Variants in GLI3 observed in about 807,000 individuals in gnomAD.
GLI3 encodes the protein GLI family zinc finger 3, also known as transcription activator GLI3.
GLI3 carries 20 observed loss-of-function variants against 100.8 expected under a neutral mutation model. The observed-to-expected ratio is 0.20, with a 90% CI of 0.14 to 0.29. The LOEUF (loss-of-function observed/expected upper bound fraction) is 0.29, where lower values mean the gene tolerates loss of function less well. Ranked by LOEUF, GLI3 falls within the 10% of genes least tolerant of loss-of-function variation. The probability of loss-of-function intolerance (pLI) is 1.00; values close to 1 mark genes in which losing one functional copy is unlikely to be tolerated. For synonymous variants in GLI3, 938 were observed against 860.5 expected, an observed-to-expected ratio of 1.09 and a Z score of -1.58; for missense variants, 2,040 against 2,128.5, an observed-to-expected ratio of 0.96 and a Z score of 0.82.
At chr7:42,148,712 T>C (rs1459713475) in intron 2 of GLI3, among the ~76,000 whole-genome samples, 1 of 152,128 alleles carries the variant, frequency 6.6e-6, no homozygotes, top group African/African-American at 2.4e-5. Flanking sequence ...ATGAGCCTAT[T>C]AAACTGAGAT....
At chr7:42,182,681 T>TAG in intron 2 of GLI3, among the ~76,000 whole-genome samples, 1 of 56,748 alleles carries the variant, frequency 1.8e-5, no homozygotes, top group South Asian at 5.8e-4. Context: ...TATATATATA[T>TAG]ACACATGTGT....
rs368631612 is a variant in GLI3 at position 42,025,331 on chromosome 7, A to G, written c.1289T>C (p.Met430Thr). 12 of 1,614,056 alleles carry G rather than the reference A, an allele frequency of 7.4e-6. No individual in the cohort carries two copies. Among genetic ancestry groups the G allele is most frequent in the African/African-American group, 4.0e-5 (3 of 74,936 alleles). ...ESAVSSTGDP[M>T]HNKRSKIKPD... ...TTTGATCTTGGACCTCTTGTTGTGCATCGGGTCACCAGTGCTGCTCACTGC... is the reference window on the plus strand; with the variant it reads ...TTTGATCTTGGACCTCTTGTTGTGCGTCGGGTCACCAGTGCTGCTCACTGC... Residue 430 changes from methionine (M) to threonine (T), a missense_variant, in exon 9 of 15, where the codon ATG (methionine) becomes ACG (threonine). Around this residue, in one of 5 missense-constraint regions of GLI3, gnomAD observed 603 missense variants for 690.9 expected, o/e 0.87. Coordinates refer to ENST00000395925, the MANE Select transcript of GLI3 (RefSeq NM_000168.6).
At chr7:42,016,832 T>C (rs1026117002) in intron 10 of GLI3, among the ~76,000 whole-genome samples, 1 of 152,236 alleles carries the variant, frequency 6.6e-6, no homozygotes, top group Non-Finnish European at 1.5e-5. Flanking sequence ...AGTATTCCTC[T>C]GTACTCCTCC....
intron 2 of GLI3, among the ~76,000 whole-genome samples, chr7:42,189,969 TC>T (rs1787792454): frequency 1.5e-5 from 2 of 129,068 alleles, no homozygotes; most frequent in African/African-American, 6.2e-5. Context: ...GTGCATGGGC[TC>T]AACACACACA....
chr7:42,048,279 G>A lies in GLI3; in HGVS notation c.679+212C>T, dbSNP rs77464277. Among the ~76,000 whole-genome samples, 1,055 of 152,238 alleles carry A rather than the reference G, an allele frequency of 6.9e-3. 17 individuals are homozygous for A. Among genetic ancestry groups the A allele is most frequent in the African/African-American group, 0.024 (980 of 41,536 alleles). The stretch of plus-strand genomic sequence containing the variant: ...GCGTTGCAAGTAAACCCCACTGCAC[G>A]CTGCTATTCTGACATGAAAATGGAG... On this transcript the variant is annotated intron_variant, in intron 5 of 14. Coordinates refer to ENST00000395925, the MANE Select transcript of GLI3 (RefSeq NM_000168.6).
intron 4 of GLI3, among the ~76,000 whole-genome samples, chr7:42,071,380 T>C (rs976387281): frequency 1.6e-4 from 25 of 152,322 alleles, no homozygotes; most frequent in African/African-American, 6.0e-4. Flanking sequence ...TAAGTTACAC[T>C]ATTAAAATAT....
intron 10 of GLI3, among the ~76,000 whole-genome samples, chr7:42,008,644 GT>G (rs1237083694): frequency 6.6e-6 from 1 of 152,144 alleles, no homozygotes; most frequent in Admixed American, 6.5e-5. Context: ...GGCAAGTCTG[GT>G]TCTTTCTCTA....
At chr7:42,226,558 AT>A (rs1229748402) in intron 1 of GLI3, among the ~76,000 whole-genome samples, 1 of 152,158 alleles carries the variant, frequency 6.6e-6, no homozygotes, top group Admixed American at 6.5e-5. Flanking sequence ...TCTGAAATGG[AT>A]TTTTTTAAAA....
At chr7:41,974,617 A>T (rs993680075) in intron 12 of GLI3, among the ~76,000 whole-genome samples, 4 of 152,216 alleles carry the variant, frequency 2.6e-5, no homozygotes, top group Non-Finnish European at 5.9e-5. Context: ...CTATGTAAGG[A>T]TATAGACAGA....
chr7:42,190,500 A>G (rs1021651751), intron 2 of GLI3, among the ~76,000 whole-genome samples: 2 of 152,208 alleles, frequency 1.3e-5, no homozygotes, highest in Non-Finnish European at 2.9e-5. Context: ...GAACATATGA[A>G]AGACTCAATA....
intron 1 of GLI3, among the ~76,000 whole-genome samples, chr7:42,245,957 CTAAA>C (rs544106928): frequency 3.3e-5 from 5 of 150,732 alleles, no homozygotes; most frequent in Middle Eastern, 3.5e-3. Context: ...GGAAATGAAG[CTAAA>C]TATTCTTCTC....
chr7:42,036,912 C>T (rs763311912), intron 7 of GLI3, among the ~76,000 whole-genome samples: 3 of 152,064 alleles, frequency 2.0e-5, no homozygotes, highest in Non-Finnish European at 4.4e-5. Flanking sequence ...GATGCCAAGG[C>T]GGGTGGGTTG....
chr7:42,259,293 A>G (rs1321750470), intron 1 of GLI3, among the ~76,000 whole-genome samples: 6 of 152,244 alleles, frequency 3.9e-5, no homozygotes, highest in Non-Finnish European at 8.8e-5. Context: ...ATACTCTGAC[A>G]TGCAACAAAT....
chr7:42,152,005 C>T (rs1163682635), intron 2 of GLI3: 1 of 152,190 alleles, frequency 6.6e-6, no homozygotes, highest in African/African-American at 2.4e-5. Flanking sequence ...CGAACACGCA[C>T]TTGTGGGCGC....
Position 41,964,573 on chromosome 7 carries a change from T to C in GLI3, c.4500A>G (p.Glu1500=). 6.2e-7 allele frequency: 1 copy of C among 1,614,080 alleles called. No individual in the cohort carries two copies. The highest frequency in any genetic ancestry group is 8.5e-7 in the Non-Finnish European group (1 of 1,179,912). Residue 1500 remains glutamate (E), a synonymous_variant, in exon 15 of 15, where the codon GAA becomes GAG. Coordinates refer to ENST00000395925, the MANE Select transcript of GLI3 (RefSeq NM_000168.6). ...TGGCATCGAAGTCAATCTGTACCCC[T>C]TCCAGGTCATGGCTGTCGAGGCTGT... is the stretch of plus-strand genomic sequence containing the variant. ...TVDSLDSHDL[E]GVQIDFDAII... is the part of the protein sequence containing the mutation.
At chr7:42,172,564 C>T in intron 2 of GLI3, 1 of 703,038 alleles carries the variant, frequency 1.4e-6, no homozygotes, top group Non-Finnish European at 2.6e-6. Flanking sequence ...GAGCTTCCCC[C>T]TTTCAAGGTA....
intron 3 of GLI3, among the ~76,000 whole-genome samples, chr7:42,118,935 G>A (rs1785926751): frequency 2.0e-5 from 3 of 152,172 alleles, no homozygotes; most frequent in Admixed American, 2.0e-4. Flanking sequence ...ACTATGAAGG[G>A]AAGAACACCA....
At position 42,182,670 on chromosome 7, in the gene GLI3, A is replaced by ATACATGTGTG. The variant is rs1562775844; in HGVS notation, c.125-34203_125-34202insCACACATGTA. 1.1e-3 allele frequency among the ~76,000 whole-genome samples: 78 copies of ATACATGTGTG among 73,338 alleles called. 3 individuals carry two copies. The highest frequency in any genetic ancestry group is 0.013 in the Middle Eastern group (2 of 150). The allele number at this position is 73,338 out of a possible 152,430, so 48.1% of individuals were successfully genotyped here. A position where few individuals can be genotyped will look rare whatever the true frequency, so the allele number is the denominator to read the frequency against. Reference sequence around the variant, plus strand: ...TATATATATATATATATATATATATATATATATATATACACATGTGTGTAT... The same window carrying ATACATGTGTG: ...TATATATATATATATATATATATATATACATGTGTGTATATATATATACACATGTGTGTAT... On this transcript the variant is annotated intron_variant, in intron 2 of 14. Transcript: ENST00000395925.
At chr7:42,203,059 C>T (rs889872643) in intron 2 of GLI3, among the ~76,000 whole-genome samples, 2 of 152,164 alleles carry the variant, frequency 1.3e-5, no homozygotes, top group Non-Finnish European at 2.9e-5. Context: ...CTCTGATTTC[C>T]TCCCTCCTAC....
Sources: allele counts gnomAD v4.1 joint callset (sites outside exome capture counted in the v4.1 genomes callset), GRCh38; gene constraint gnomAD v4.1.1; regional missense constraint gnomAD v4.1.1; transcripts MANE v1.5; gene names NCBI Gene and HGNC (gene_info 2026-07-23, HGNC 2026-07-21).